Variants in FAM227A observed in about 807,000 individuals in gnomAD.
FAM227A encodes family with sequence similarity 227 member A.
FAM227A carries 80 observed loss-of-function variants against 74.7 expected under a neutral mutation model. The ratio of observed to expected loss-of-function variants is 1.07; its 90% CI spans 0.89 to 1.29. FAM227A has a LOEUF of 1.29. Among genes scored for constraint, FAM227A ranks in the 50% most tolerant of loss-of-function variants. The pLI is 0.00. For synonymous variants in FAM227A, 237 were observed against 241.8 expected, an observed-to-expected ratio of 0.98 and a Z score of 0.19; for missense variants, 654 against 683.4, an observed-to-expected ratio of 0.96 and a Z score of 0.48.
intron 11 of FAM227A, among the ~76,000 whole-genome samples, chr22:38,615,265 C>T (rs746707527): frequency 2.0e-5 from 3 of 152,194 alleles, no homozygotes; most frequent in Non-Finnish European, 4.4e-5. Context: ...TCAAGTGATT[C>T]GCCTGCCTGG....
At chr22:38,651,145 A>G (rs1458664712) in intron 1 of FAM227A, among the ~76,000 whole-genome samples, 1 of 152,008 alleles carries the variant, frequency 6.6e-6, no homozygotes, top group Non-Finnish European at 1.5e-5. Context: ...ATGCCTTTCC[A>G]GATGTGGTTC....
At chr22:38,635,281 GAC>G (rs2091982629) in intron 6 of FAM227A, among the ~76,000 whole-genome samples, 1 of 150,482 alleles carries the variant, frequency 6.6e-6, no homozygotes, top group Non-Finnish European at 1.5e-5. Context: ...AGGAGAGGGA[GAC>G]AGAGATAGAG....
chr22:38,648,024 A>G (rs1298359830), intron 2 of FAM227A, among the ~76,000 whole-genome samples: 1 of 152,112 alleles, frequency 6.6e-6, no homozygotes, highest in Non-Finnish European at 1.5e-5. Flanking sequence ...CATGCAGCTG[A>G]GCTGGCAGGA....
intron 10 of FAM227A, among the ~76,000 whole-genome samples, chr22:38,622,568 G>A (rs535421515): frequency 6.6e-6 from 1 of 152,242 alleles, no homozygotes; most frequent in South Asian, 2.1e-4. Context: ...TCAGCAGGTT[G>A]TCGTGAGGAT....
At chr22:38,613,312 C>CATATAATATGTATCAT (rs2091487703) in intron 11 of FAM227A, among the ~76,000 whole-genome samples, 2 of 56,542 alleles carry the variant, frequency 3.5e-5, no homozygotes, top group East Asian at 1.2e-3. Context: ...TAATATATAA[C>CATATAATATGTATCAT]ATATAATATA....
At chr22:38,642,962 C>T (rs2092147889) in intron 3 of FAM227A, among the ~76,000 whole-genome samples, 2 of 151,590 alleles carry the variant, frequency 1.3e-5, no homozygotes, top group Non-Finnish European at 1.5e-5. Context: ...AAAAACAACC[C>T]AAAACAAAAT....
chr22:38,649,980 G>A (rs2057459068), intron 2 of FAM227A, 47 bp downstream of exon 2: 2 of 1,539,020 alleles, frequency 1.3e-6, no homozygotes, highest in Non-Finnish European at 8.8e-7. Flanking sequence ...CATGACTCAA[G>A]TTAGGTGTAT....
intron 10 of FAM227A, among the ~76,000 whole-genome samples, chr22:38,620,653 C>CA (rs1182312579): frequency 6.6e-6 from 1 of 151,248 alleles, no homozygotes; most frequent in African/African-American, 2.4e-5. Context: ...AAAAAAAATA[C>CA]AAAAAATCAG....
At chr22:38,592,051 C>T (rs1226580713) in intron 15 of FAM227A, among the ~76,000 whole-genome samples, 2 of 151,624 alleles carry the variant, frequency 1.3e-5, no homozygotes, top group Non-Finnish European at 2.9e-5. Flanking sequence ...TGGGTTCAAG[C>T]GATTCTCCTG....
chr22:38,638,826 CAGAAAAATGGAGA>C lies in FAM227A; in HGVS notation c.296-17_296-5del, dbSNP rs2092054982. Reference sequence around the variant, plus strand: ...TGAGATTTCCTTTGTCTCTTGACTGCAGAAAAATGGAGAAAGAGATAAATGAGTAACCACAGGG... The same window carrying C: ...TGAGATTTCCTTTGTCTCTTGACTGCAAGAGATAAATGAGTAACCACAGGG... On this transcript the variant is annotated splice_polypyrimidine_tract_variant and splice_region_variant and intron_variant, in intron 4 of 16. Coordinates refer to ENST00000535113, the MANE Select transcript of FAM227A (RefSeq NM_001013647.2). 6.6e-7 allele frequency: 1 copy of C among 1,525,964 alleles called. No homozygotes were observed. Among genetic ancestry groups the C allele is most frequent in the Non-Finnish European group, 8.8e-7 (1 of 1,135,344 alleles). The allele number at this position is 1,525,964 out of a possible 1,614,324, so 94.5% of individuals were successfully genotyped here.
chr22:38,636,065 A>G (rs1447354058), intron 6 of FAM227A, among the ~76,000 whole-genome samples: 2 of 151,104 alleles, frequency 1.3e-5, no homozygotes, highest in African/African-American at 4.9e-5. Flanking sequence ...GGAAAGAAAG[A>G]AAGAAAAAAG....
intron 8 of FAM227A, among the ~76,000 whole-genome samples, chr22:38,626,826 A>G (rs2091811015): frequency 7.7e-6 from 1 of 129,234 alleles, no homozygotes; most frequent in Non-Finnish European, 1.6e-5. Context: ...GTGAGCTGCG[A>G]CCGTGCACTC....
rs562419105 is a variant in FAM227A, at chr22:38,646,299, G to A, written c.143-654C>T. Among the ~76,000 whole-genome samples the A allele has an allele frequency of 9.2e-4, 104 of 112,570 alleles. 1 individual carries two copies. The highest frequency in any genetic ancestry group is 3.7e-3 in the South Asian group (13 of 3,490). The allele number at this position is 112,570 out of a possible 152,430, so 73.9% of individuals were successfully genotyped here. A position where few individuals can be genotyped will look rare whatever the true frequency, so the allele number is the denominator to read the frequency against. ...TTTTGAGACGGAGTCTCGCTCTGTC[G>A]CCCAGGCTGGAGTGCAGTGGCGGGA... On this transcript the variant is annotated intron_variant, in intron 2 of 16. Transcript: ENST00000535113.
rs1168718483 is a variant in FAM227A, at chr22:38,605,400, G to A, written c.1127-52C>T. On this transcript the variant is annotated intron_variant, in intron 12 of 16. Coordinates refer to ENST00000535113, the MANE Select transcript of FAM227A (RefSeq NM_001013647.2). ...TGACCATTAGGTTCAAGCAATTCTC[G>A]TGCCTCAGCCTCCTGAGTAGCTGGA... 10 of 1,073,252 alleles carry A rather than the reference G, an allele frequency of 9.3e-6. 1 individual carries two copies. Among genetic ancestry groups the A allele is most frequent in the Non-Finnish European group, 1.4e-5 (10 of 716,290 alleles). The allele number at this position is 1,073,252 out of a possible 1,614,324, so 66.5% of individuals were successfully genotyped here.
rs529179801 is a variant in FAM227A, at chr22:38,580,437, T to C, written c.*5688A>G. 1.3e-5 allele frequency: 2 copies of C among 152,338 alleles called. No homozygotes were observed. Among genetic ancestry groups the C allele is most frequent in the Admixed American group, 6.5e-5 (1 of 15,300 alleles). 9.4% of individuals were successfully genotyped at this position (152,338 alleles called of 1,614,324 possible). ...GGTTGGATCTAGAGTTCAGATCACA[T>C]TCAAGTTTACTTATTTGTAAGACTA... is the stretch of plus-strand genomic sequence containing the variant. On this transcript the variant is annotated 3_prime_UTR_variant, in exon 17 of 17. Coordinates refer to ENST00000535113, the MANE Select transcript of FAM227A (RefSeq NM_001013647.2).
chr22:38,624,230 C>T (rs1304871357), intron 9 of FAM227A, among the ~76,000 whole-genome samples: 1 of 152,048 alleles, frequency 6.6e-6, no homozygotes, highest in Non-Finnish European at 1.5e-5. Context: ...CATGGTGAAA[C>T]CCCATCTCTA....
intron 8 of FAM227A, among the ~76,000 whole-genome samples, chr22:38,626,891 A>AATATATATATATATATATATAT (rs1555966997): frequency 1.7e-5 from 1 of 57,690 alleles, no homozygotes; most frequent in African/African-American, 8.7e-5. Context: ...AAAAAAAAAA[A>AATATATATATATATATATATAT]ATATATATAT....
intron 11 of FAM227A, among the ~76,000 whole-genome samples, chr22:38,612,650 T>A (rs927771342): frequency 3.3e-5 from 5 of 152,166 alleles, no homozygotes; most frequent in Non-Finnish European, 7.4e-5. Flanking sequence ...GCACCACCCC[T>A]GCCTGAGATT....
At chr22:38,638,111 G>A (rs1051096094) in intron 5 of FAM227A, among the ~76,000 whole-genome samples, 17 of 152,236 alleles carry the variant, frequency 1.1e-4, no homozygotes, top group Non-Finnish European at 1.8e-4. Context: ...GTTGCAGTAA[G>A]CTGAGATCGT....
Sources: allele counts gnomAD v4.1 joint callset (sites outside exome capture counted in the v4.1 genomes callset), GRCh38; gene constraint gnomAD v4.1.1; transcripts MANE v1.5; gene names NCBI Gene and HGNC (gene_info 2026-07-23, HGNC 2026-07-21).